NBEA: variants seen among roughly 807,000 people sequenced by gnomAD.
NBEA encodes neurobeachin, also known as lysosomal-trafficking regulator 2.
Under a neutral mutation model 343.4 loss-of-function variants are expected in NBEA, and 44 were observed. The ratio of observed to expected loss-of-function variants is 0.13; its 90% CI spans 0.10 to 0.16. The LOEUF is 0.16. Among genes scored for constraint, NBEA ranks in the 10% least tolerant of loss-of-function variants. The pLI is 1.00. For missense variants in NBEA, 2,555 were observed against 3,631.3 expected, an observed-to-expected ratio of 0.70 and a Z score of 7.62; for synonymous variants, 1,175 against 1,238.7, an observed-to-expected ratio of 0.95 and a Z score of 1.08.
chr13:35,004,947 A>C (rs2061266665), intron 1 of NBEA, among the ~76,000 whole-genome samples: 1 of 152,176 alleles, frequency 6.6e-6, no homozygotes, highest in African/African-American at 2.4e-5. Context: ...GAGAATTAAG[A>C]CATGATTTAA....
chr13:35,038,924 G>C (rs2152556413), intron 1 of NBEA, among the ~76,000 whole-genome samples: 1 of 152,254 alleles, frequency 6.6e-6, no homozygotes, highest in East Asian at 1.9e-4. Flanking sequence ...GCCTAGTTCA[G>C]CACTAGGACT....
chr13:35,430,620 C>T (rs994735064), intron 38 of NBEA, among the ~76,000 whole-genome samples: 1 of 152,016 alleles, frequency 6.6e-6, no homozygotes, highest in African/African-American at 2.4e-5. Flanking sequence ...ATACTCTTTC[C>T]AGAACTGTTC....
intron 11 of NBEA, among the ~76,000 whole-genome samples, chr13:35,109,084 G>A (rs1033129059): frequency 6.6e-6 from 1 of 151,912 alleles, no homozygotes; most frequent in South Asian, 2.1e-4. Context: ...CTTAGATCAG[G>A]CTTCAAATAA....
At chr13:35,465,288 A>G (rs778584211) in intron 40 of NBEA, among the ~76,000 whole-genome samples, 2 of 152,188 alleles carry the variant, frequency 1.3e-5, no homozygotes, top group Admixed American at 1.3e-4. Context: ...ATTGCATACT[A>G]TATGACAGAT....
At chr13:35,149,641 T>G (rs1179469595) in intron 18 of NBEA, among the ~76,000 whole-genome samples, 3 of 152,160 alleles carry the variant, frequency 2.0e-5, no homozygotes. Flanking sequence ...GTTTTGATTT[T>G]TTGGACCTAC....
intron 44 of NBEA, among the ~76,000 whole-genome samples, chr13:35,560,830 C>G (rs947737396): frequency 2.0e-5 from 3 of 152,138 alleles, no homozygotes; most frequent in African/African-American, 7.2e-5. Flanking sequence ...TAGCTGAACA[C>G]CACCAGCCAT....
chr13:35,375,953 C>T (rs117215187), intron 38 of NBEA, among the ~76,000 whole-genome samples: 3,186 of 152,142 alleles, frequency 0.021, 48 homozygotes, highest in Middle Eastern at 0.034. Flanking sequence ...AATATTTTCT[C>T]CTCAGAAGTA....
intron 39 of NBEA, among the ~76,000 whole-genome samples, chr13:35,439,451 T>A (rs1196125641): frequency 6.6e-6 from 1 of 152,026 alleles, no homozygotes; most frequent in African/African-American, 2.4e-5. Context: ...AAGGCAGAGG[T>A]CATAACAGAA....
At chr13:35,379,344 C>G (rs982805642) in intron 38 of NBEA, among the ~76,000 whole-genome samples, 3 of 152,070 alleles carry the variant, frequency 2.0e-5, no homozygotes, top group African/African-American at 7.2e-5. Flanking sequence ...GGTCACTTCC[C>G]TATCTTCTTT....
At chr13:35,179,637 T>C (rs1160991144) in intron 28 of NBEA, 1 of 275,118 alleles carries the variant, frequency 3.6e-6, no homozygotes, top group Non-Finnish European at 5.5e-6. Flanking sequence ...GTCTGTTATT[T>C]ACAGCGCTGC....
chr13:35,079,126 A>G (rs1408338995), intron 10 of NBEA, among the ~76,000 whole-genome samples: 1 of 152,214 alleles, frequency 6.6e-6, no homozygotes, highest in Non-Finnish European at 1.5e-5. Flanking sequence ...AGAATACCAT[A>G]AGGCTGACAT....
At chr13:35,182,241 A>T in intron 28 of NBEA, 119 bp from the exon 29 acceptor site, 1 of 537,830 alleles carries the variant, frequency 1.9e-6, no homozygotes, top group Non-Finnish European at 2.9e-6. Flanking sequence ...GCAGGTTTTC[A>T]TAAAAGTTAC....
rs1011033604 is a variant in NBEA at position 35,671,347 on chromosome 13, G to A, written c.*356G>A. On this transcript the variant is annotated 3_prime_UTR_variant, in exon 59 of 59. Coordinates refer to ENST00000379939, the MANE Select transcript of NBEA (RefSeq NM_001385012.1). ...CCAGTTGTTACAAAGTTTAAGCTTT[G>A]AACCTAACCTGCATCCCATTTCCAG... 52 of 158,272 alleles carry A rather than the reference G, an allele frequency of 3.3e-4. No homozygotes were observed. The highest frequency in any genetic ancestry group is 9.4e-5 in the Non-Finnish European group (7 of 74,258). The allele number at this position is 158,272 out of a possible 1,614,324, so 9.8% of individuals were successfully genotyped here.
At chr13:35,065,950 A>G (rs527266343) in intron 8 of NBEA, among the ~76,000 whole-genome samples, 15 of 152,106 alleles carry the variant, frequency 9.9e-5, no homozygotes, top group African/African-American at 3.6e-4. Context: ...CTATTCAGGG[A>G]ATGTTTCGTG....
At chr13:35,017,677 G>C (rs918547550) in intron 1 of NBEA, among the ~76,000 whole-genome samples, 6 of 152,066 alleles carry the variant, frequency 3.9e-5, no homozygotes, top group Non-Finnish European at 7.4e-5. Flanking sequence ...TAAGATGTGA[G>C]AGTTCTTTAT....
chr13:35,596,177 G>A (rs1053801465), intron 47 of NBEA, among the ~76,000 whole-genome samples: 1 of 151,756 alleles, frequency 6.6e-6, no homozygotes, highest in African/African-American at 2.4e-5. Context: ...CAGAATTTGA[G>A]GTCCTCATGA....
intron 41 of NBEA, among the ~76,000 whole-genome samples, chr13:35,490,185 T>C (rs1411859677): frequency 1.3e-5 from 2 of 151,974 alleles, no homozygotes; most frequent in African/African-American, 4.8e-5. Context: ...TAAAGCCTTA[T>C]ACTCAGTAAA....
chr13:35,422,818 T>C (rs1294529164), intron 38 of NBEA, among the ~76,000 whole-genome samples: 1 of 152,222 alleles, frequency 6.6e-6, no homozygotes, highest in Non-Finnish European at 1.5e-5. Flanking sequence ...TGTTGTTTCC[T>C]GACTTTTTAA....
chr13:35,277,266 G>T (rs1275275183), intron 34 of NBEA, among the ~76,000 whole-genome samples: 3 of 152,052 alleles, frequency 2.0e-5, no homozygotes, highest in Admixed American at 2.0e-4. Flanking sequence ...CAGAGACCAG[G>T]TATTAAAGGA....
Sources: gnomAD v4.1 joint callset for allele counts (sites outside exome capture counted in the v4.1 genomes callset) on GRCh38, gnomAD v4.1.1 for gene constraint, MANE v1.5 for transcripts, NCBI Gene and HGNC (gene_info 2026-07-23, HGNC 2026-07-21) for gene names.